Variants in MAGI2 observed in about 807,000 individuals in gnomAD.
MAGI2 encodes membrane-associated guanylate kinase, WW and PDZ domain-containing protein 2.
In MAGI2, 35 loss-of-function variants were observed where a neutral mutation model predicts 133.3. The ratio of observed to expected loss-of-function variants is 0.26; its 90% CI spans 0.20 to 0.35. MAGI2 has a LOEUF of 0.35. Among genes scored for constraint, MAGI2 ranks in the 10% least tolerant of loss-of-function variants. The pLI, the probability that MAGI2 is intolerant of heterozygous loss-of-function variation, is 1.00. For synonymous variants in MAGI2, 729 were observed against 710.6 expected (o/e 1.03, Z -0.41); for missense variants, 1,636 against 1,863.4 (o/e 0.88, Z 2.25).
rs1277781531 is a variant in MAGI2, at chr7:79,127,656, T to A, written c.302-120450A>T. ...CTTTTTGATGGGGTTGTTTGTCTTT[T>A]TCTTGTAAATTTGTTTGAGTTCATT... is the stretch of plus-strand genomic sequence containing the variant. On this transcript the variant is annotated intron_variant, in intron 1 of 21. Transcript: ENST00000354212. 5.9e-5 allele frequency among the ~76,000 whole-genome samples: 9 copies of A among 152,204 alleles called. No individual in the cohort carries two copies. In the East Asian group the frequency reaches 1.7e-3, roughly 29 times the overall value.
chr7:79,375,313 G>A (rs1284174634), intron 1 of MAGI2, among the ~76,000 whole-genome samples: 1 of 151,896 alleles, frequency 6.6e-6, no homozygotes, highest in Admixed American at 6.6e-5. Context: ...TGTAAACCTG[G>A]TTCTACCAAT....
intron 1 of MAGI2, among the ~76,000 whole-genome samples, chr7:79,109,396 A>C (rs897654095): frequency 7.2e-5 from 11 of 152,350 alleles, no homozygotes; most frequent in Middle Eastern, 3.4e-3. Flanking sequence ...ATGCCTTAGC[A>C]GAGGGCTTGG....
intron 1 of MAGI2, among the ~76,000 whole-genome samples, chr7:79,226,425 A>G (rs937746172): frequency 1.3e-5 from 2 of 152,148 alleles, no homozygotes; most frequent in Admixed American, 1.3e-4. Flanking sequence ...CAGAATATAT[A>G]ATCTTCCCTT....
intron 9 of MAGI2, among the ~76,000 whole-genome samples, chr7:78,294,090 A>C (rs1439008016): frequency 6.6e-6 from 1 of 152,080 alleles, no homozygotes; most frequent in Non-Finnish European, 1.5e-5. Context: ...AAAAATATAT[A>C]TAATTCTTTA....
chr7:79,326,888 A>G (rs908472254), intron 1 of MAGI2, among the ~76,000 whole-genome samples: 2 of 152,166 alleles, frequency 1.3e-5, no homozygotes, highest in African/African-American at 2.4e-5. Context: ...GATCTTAACA[A>G]TTCACAGAGC....
chr7:78,874,282 A>T (rs971624037), intron 2 of MAGI2, among the ~76,000 whole-genome samples: 1 of 151,326 alleles, frequency 6.6e-6, no homozygotes, highest in East Asian at 1.9e-4. Flanking sequence ...AGAAATTTGC[A>T]TATATAGATA....
At chr7:78,872,610 CCTTA>C (rs1795120997) in intron 2 of MAGI2, among the ~76,000 whole-genome samples, 2 of 150,932 alleles carry the variant, frequency 1.3e-5, no homozygotes, top group South Asian at 4.2e-4. Flanking sequence ...GGGTAACTGT[CCTTA>C]CTGAGTTTTT....
At chr7:78,512,334 G>A (rs1368712861) in intron 4 of MAGI2, among the ~76,000 whole-genome samples, 1 of 152,130 alleles carries the variant, frequency 6.6e-6, no homozygotes, top group Non-Finnish European at 1.5e-5. Flanking sequence ...TCTGATTTTT[G>A]GGATGATACC....
rs1391015985 is a variant in MAGI2, at chr7:78,255,965, A to G, written c.2025T>C (p.Thr675=). The part of the protein sequence containing the change: ...ILKDCPIGSE[T]SLIIHRGGFF... ...TACCTCCTCGATGGATAATCAAAGA[A>G]GTTTCACTTCCAATGGGACAGTCCT... is the stretch of plus-strand genomic sequence containing the variant. Residue 675 remains threonine, a synonymous_variant, in exon 10 of 22, where the codon ACT becomes ACC. Coordinates refer to ENST00000354212, the MANE Select transcript of MAGI2 (RefSeq NM_012301.4). 1 of 1,613,914 alleles carries G rather than the reference A, an allele frequency of 6.2e-7. No individual in the cohort carries two copies. Among genetic ancestry groups the G allele is most frequent in the Non-Finnish European group, 8.5e-7 (1 of 1,179,964 alleles).
At chr7:78,998,189 C>T (rs890766656) in intron 2 of MAGI2, among the ~76,000 whole-genome samples, 1 of 152,186 alleles carries the variant, frequency 6.6e-6, no homozygotes, top group Non-Finnish European at 1.5e-5. Flanking sequence ...AATTTAAACG[C>T]ACCTCTTTAT....
intron 21 of MAGI2, among the ~76,000 whole-genome samples, chr7:78,057,977 G>GTGTGTGTATA (rs762943472): frequency 1.9e-5 from 2 of 106,612 alleles, no homozygotes; most frequent in African/African-American, 6.7e-5. Flanking sequence ...ATATATATGT[G>GTGTGTGTATA]TATATATATA....
chr7:78,257,214 A>G (rs182602419), intron 9 of MAGI2, among the ~76,000 whole-genome samples: 1 of 152,344 alleles, frequency 6.6e-6, no homozygotes, highest in East Asian at 1.9e-4. Flanking sequence ...ATATTGACCA[A>G]GTTCCCTGCT....
Position 79,185,215 on chromosome 7 carries a change from A to T in MAGI2, c.302-178009T>A, listed in dbSNP as rs964081657. On this transcript the variant is annotated intron_variant, in intron 1 of 21. Transcript: ENST00000354212. ...CAATTTCAGAAAGAAAAGGATCTGA[A>T]GGAAAAATAATCCAAACTCCATTGG... 3.3e-5 allele frequency among the ~76,000 whole-genome samples: 5 copies of T among 151,952 alleles called. 1 individual carries two copies. The highest frequency in any genetic ancestry group is 3.3e-4 in the Admixed American group (5 of 15,216).
chr7:79,389,543 C>T (rs1844448247), intron 1 of MAGI2, among the ~76,000 whole-genome samples: 1 of 151,990 alleles, frequency 6.6e-6, no homozygotes, highest in Admixed American at 6.6e-5. Context: ...TAAATAATGC[C>T]TATGTAAATA....
At chr7:78,864,108 T>C (rs1340350028) in intron 2 of MAGI2, among the ~76,000 whole-genome samples, 1 of 152,248 alleles carries the variant, frequency 6.6e-6, no homozygotes, top group Non-Finnish European at 1.5e-5. Flanking sequence ...TAATCTCTAC[T>C]TGGCTTTGTG....
Position 79,146,711 on chromosome 7 carries a change from T to G in MAGI2, c.302-139505A>C, listed in dbSNP as rs548680606. Among the ~76,000 whole-genome samples, 379 of 152,354 alleles carry G rather than the reference T, an allele frequency of 2.5e-3. 1 individual carries two copies. The highest frequency in any genetic ancestry group is 8.9e-3 in the African/African-American group (370 of 41,588). On this transcript the variant is annotated intron_variant, in intron 1 of 21. Coordinates refer to ENST00000354212, the MANE Select transcript of MAGI2 (RefSeq NM_012301.4). ...TTTGCTCCTCATTCACCTTCCATCA[T>G]GATTGTGAGGCCTCCCCATCCATGT...
intron 6 of MAGI2, among the ~76,000 whole-genome samples, chr7:78,404,638 C>T (rs1435523868): frequency 6.6e-6 from 1 of 152,138 alleles, no homozygotes; most frequent in East Asian, 1.9e-4. Context: ...GAAACTGGAT[C>T]TCTTCCTTAT....
chr7:78,089,260 A>G (rs1056169118), intron 20 of MAGI2, among the ~76,000 whole-genome samples: 1 of 152,240 alleles, frequency 6.6e-6, no homozygotes, highest in Admixed American at 6.5e-5. Context: ...TCTCCTGCTG[A>G]TGCTTCTCAT....
chr7:78,876,969 G>T (rs1488015393), intron 2 of MAGI2, among the ~76,000 whole-genome samples: 2 of 151,860 alleles, frequency 1.3e-5, no homozygotes, highest in Non-Finnish European at 2.9e-5. Context: ...TTACTATGGT[G>T]CTCAGATTGC....
Sources: gnomAD v4.1 joint callset for allele counts (sites outside exome capture counted in the v4.1 genomes callset) on GRCh38, gnomAD v4.1.1 for gene constraint, MANE v1.5 for transcripts, NCBI Gene and HGNC (gene_info 2026-07-23, HGNC 2026-07-21) for gene names.